NAALADL2: variants seen among roughly 807,000 people sequenced by gnomAD.
NAALADL2 encodes inactive N-acetylated-alpha-linked acidic dipeptidase-like protein 2.
NAALADL2 carries 76 observed loss-of-function variants against 87.2 expected under a neutral mutation model. That is an observed-to-expected ratio of 0.87 (90% CI 0.72 to 1.05). The LOEUF (loss-of-function observed/expected upper bound fraction) is 1.05, where lower values mean the gene tolerates loss of function less well. NAALADL2 is among the 50% of genes least tolerant of loss of function. The probability of loss-of-function intolerance (pLI) is 0.00; values close to 1 mark genes in which losing one functional copy is unlikely to be tolerated. For synonymous variants in NAALADL2, 354 were observed against 331.0 expected (o/e 1.07, Z -0.75); for missense variants, 1,089 against 945.8 (o/e 1.15, Z -1.99).
chr3:175,206,928 G>T (rs537503113), intron 2 of NAALADL2, among the ~76,000 whole-genome samples: 8 of 152,156 alleles, frequency 5.3e-5, no homozygotes, highest in African/African-American at 1.9e-4. Context: ...TTATTGAGAG[G>T]ACAAAGTGGT....
chr3:175,649,235 T>C (rs1040906678), intron 11 of NAALADL2, among the ~76,000 whole-genome samples: 1 of 152,132 alleles, frequency 6.6e-6, no homozygotes, highest in African/African-American at 2.4e-5. Flanking sequence ...TTCTTTATCA[T>C]ACAGTTTTGT....
intron 11 of NAALADL2, among the ~76,000 whole-genome samples, chr3:175,732,624 G>T (rs533118171): frequency 2.3e-4 from 35 of 152,198 alleles, no homozygotes; most frequent in African/African-American, 8.4e-4. Context: ...CATCCTCATC[G>T]TGTGCTTTGA....
intron 3 of NAALADL2, among the ~76,000 whole-genome samples, chr3:174,808,699 A>G (rs1719793194): frequency 6.6e-6 from 1 of 152,134 alleles, no homozygotes; most frequent in Non-Finnish European, 1.5e-5. Flanking sequence ...AGTGTCTTGG[A>G]TTGTTTAATG....
At chr3:174,785,597 CT>C (rs1683854226) in intron 3 of NAALADL2, among the ~76,000 whole-genome samples, 1 of 149,294 alleles carries the variant, frequency 6.7e-6, no homozygotes, top group Admixed American at 6.9e-5. Flanking sequence ...ATAAATATTG[CT>C]TTGTCTATTT....
chr3:175,226,650 T>C (rs1415112725), intron 2 of NAALADL2, among the ~76,000 whole-genome samples: 1 of 152,160 alleles, frequency 6.6e-6, no homozygotes, highest in East Asian at 1.9e-4. Context: ...TTTGTGATGA[T>C]TAAGCATAAT....
intron 2 of NAALADL2, among the ~76,000 whole-genome samples, chr3:175,167,668 T>C (rs558590910): frequency 6.6e-6 from 1 of 152,172 alleles, no homozygotes; most frequent in South Asian, 2.1e-4. Context: ...ATGCTGAATA[T>C]CCACCCTATA....
At chr3:174,710,756 C>A (rs1382621148) in intron 2 of NAALADL2, among the ~76,000 whole-genome samples, 1 of 152,116 alleles carries the variant, frequency 6.6e-6, no homozygotes. Flanking sequence ...TTCCTACAAC[C>A]ACAAGGAGCT....
chr3:174,576,217 T>C (rs1415382886), intron 2 of NAALADL2, among the ~76,000 whole-genome samples: 2 of 151,976 alleles, frequency 1.3e-5, no homozygotes, highest in East Asian at 3.9e-4. Context: ...AGGAGCCAAA[T>C]GGAAAATAGA....
intron 6 of NAALADL2, among the ~76,000 whole-genome samples, chr3:175,450,997 G>T (rs1581940979): frequency 6.6e-6 from 1 of 152,040 alleles, no homozygotes; most frequent in East Asian, 1.9e-4. Flanking sequence ...TGAGTAAAGG[G>T]GAGAGAAAGA....
chr3:175,304,720 A>G (rs1332798094), intron 4 of NAALADL2, among the ~76,000 whole-genome samples: 2 of 152,198 alleles, frequency 1.3e-5, no homozygotes, highest in African/African-American at 4.8e-5. Context: ...TAGTTTATCC[A>G]GATGCTGCAA....
At chr3:175,041,768 A>ATTT (rs760225423) in intron 1 of NAALADL2, among the ~76,000 whole-genome samples, 16 of 152,038 alleles carry the variant, frequency 1.1e-4, no homozygotes, top group Non-Finnish European at 2.4e-4. Flanking sequence ...CTATCTCTAT[A>ATTT]TTTTTATATT....
chr3:174,524,304 A>C (rs1209473649), intron 1 of NAALADL2, among the ~76,000 whole-genome samples: 1 of 152,140 alleles, frequency 6.6e-6, no homozygotes, highest in Non-Finnish European at 1.5e-5. Context: ...TATGTAGCGC[A>C]TTGGGGAAAA....
chr3:174,529,093 G>C (rs779655314), intron 1 of NAALADL2, among the ~76,000 whole-genome samples: 1 of 152,160 alleles, frequency 6.6e-6, no homozygotes, highest in Non-Finnish European at 1.5e-5. Context: ...AGTCCCTTCT[G>C]CCTTTGTGCC....
intron 1 of NAALADL2, among the ~76,000 whole-genome samples, chr3:174,496,255 G>A (rs1106095): frequency 0.21 from 31,655 of 152,004 alleles, 3,439 homozygotes; most frequent in Middle Eastern, 0.28. Flanking sequence ...CCCTAGACAT[G>A]TCTTAAAGCA....
chr3:175,235,430 C>T (rs1007839855), intron 3 of NAALADL2: 6 of 152,012 alleles, frequency 3.9e-5, no homozygotes, highest in Admixed American at 3.3e-4. Context: ...TAAATGTCTG[C>T]AATATTTCTA....
intron 1 of NAALADL2, among the ~76,000 whole-genome samples, chr3:174,549,007 A>ATTT (rs960664907): frequency 5.3e-5 from 8 of 152,088 alleles, no homozygotes; most frequent in Non-Finnish European, 1.2e-4. Context: ...TGCCCGGCTA[A>ATTT]TTTGTGTATT....
intron 6 of NAALADL2, among the ~76,000 whole-genome samples, chr3:175,456,377 CAT>C (rs910808619): frequency 6.6e-6 from 1 of 151,996 alleles, no homozygotes; most frequent in Non-Finnish European, 1.5e-5. Flanking sequence ...TTAAACTTCA[CAT>C]GTCATAATTA....
intron 2 of NAALADL2, among the ~76,000 whole-genome samples, chr3:175,175,085 T>C (rs1409522808): frequency 6.6e-6 from 1 of 152,020 alleles, no homozygotes; most frequent in Non-Finnish European, 1.5e-5. Context: ...TAGAAATCAG[T>C]TTTATTAAAT....
chr3:174,773,305 T>TAACA (rs1246954198), intron 3 of NAALADL2, among the ~76,000 whole-genome samples: 1 of 152,204 alleles, frequency 6.6e-6, no homozygotes, highest in Non-Finnish European at 1.5e-5. Context: ...TTCCTGTTGT[T>TAACA]AGTTAATTGA....
Sources: allele counts gnomAD v4.1 joint callset (sites outside exome capture counted in the v4.1 genomes callset), GRCh38; gene constraint gnomAD v4.1.1; transcripts MANE v1.5; gene names NCBI Gene and HGNC (gene_info 2026-07-23, HGNC 2026-07-21).